MYO1H: variants seen among roughly 807,000 people sequenced by gnomAD.
The protein encoded by MYO1H is myosin IH, also known as unconventional myosin-Ih.
In MYO1H, 118 loss-of-function variants were observed where a neutral mutation model predicts 149.3. The ratio of observed to expected loss-of-function variants is 0.79; its 90% CI spans 0.68 to 0.92. The LOEUF is 0.92. Among genes scored for constraint, MYO1H ranks in the 40% least tolerant of loss-of-function variants. MYO1H has a pLI of 0.00. For synonymous variants in MYO1H, 447 were observed against 465.2 expected, an observed-to-expected ratio of 0.96 and a Z score of 0.50; for missense variants, 1,212 against 1,280.7, an observed-to-expected ratio of 0.95 and a Z score of 0.82.
the MYO1H span, among the ~76,000 whole-genome samples, chr12:109,335,365 C>A: frequency 8.5e-4 from 129 of 152,114 alleles, no homozygotes; most frequent in African/African-American, 3.1e-3. Context: ...TGAGAACTAT[C>A]GTGATGACAG....
At chr12:109,437,213 C>A (rs1871897071) in intron 22 of MYO1H, among the ~76,000 whole-genome samples, 1 of 152,176 alleles carries the variant, frequency 6.6e-6, no homozygotes, top group African/African-American at 2.4e-5. Context: ...AACACTCCCA[C>A]CCACACGCAT....
chr12:109,445,955 G>T, intron 31 of MYO1H: 1 of 985,398 alleles, frequency 1.0e-6, no homozygotes, highest in Non-Finnish European at 1.2e-6. Context: ...CCCCCACGTG[G>T]AAATCAATGC....
At chr12:109,372,322 C>T (rs1332822689) in intron 1 of MYO1H, among the ~76,000 whole-genome samples, 2 of 151,978 alleles carry the variant, frequency 1.3e-5, no homozygotes, top group Non-Finnish European at 2.9e-5. Context: ...ACATAGATGT[C>T]CAGCCTTCCT....
the MYO1H span, among the ~76,000 whole-genome samples, chr12:109,335,578 C>CAAA: frequency 8.7e-5 from 13 of 148,658 alleles, no homozygotes; most frequent in Admixed American, 4.0e-4. Flanking sequence ...AACAAACAAA[C>CAAA]AAAAAAAAAA....
intron 16 of MYO1H, among the ~76,000 whole-genome samples, chr12:109,422,468 C>T (rs1462011350): frequency 6.6e-6 from 1 of 152,222 alleles, no homozygotes; most frequent in Non-Finnish European, 1.5e-5. Context: ...CTGCTGTCCG[C>T]CTCATGGAGT....
In MYO1H at chr12:109,415,952, A is replaced by AT. The variant is rs922957242; in HGVS notation, c.1597+335dup. On this transcript the variant is annotated intron_variant, in intron 15 of 31. Coordinates refer to ENST00000310903, the Ensembl canonical transcript of MYO1H. ...ATTTTATTTTATTTTATTTTATTTT[A>AT]TTTATTTTGAGAGAGAGTCTCGCTG... Among the ~76,000 whole-genome samples the AT allele has an allele frequency of 6.3e-5, 9 of 143,368 alleles. 1 individual carries two copies. Among genetic ancestry groups the AT allele is most frequent in the Middle Eastern group, 6.5e-3 (2 of 308 alleles). 94.1% of individuals were successfully genotyped at this position (143,368 alleles called of 152,430 possible).
At position 109,396,462 on chromosome 12, in the gene MYO1H, TG is replaced by T; in HGVS notation, c.373del (p.Ala125GlnfsTer16). 6.2e-7 allele frequency: 1 copy of T among 1,613,744 alleles called. No individual in the cohort carries two copies. Among genetic ancestry groups the T allele is most frequent in the Non-Finnish European group, 8.5e-7 (1 of 1,179,824 alleles). The stretch of plus-strand genomic sequence containing the variant: ...ATTTCATCCTCATTTCTGGAGAGAG[TG>T]GGGCAGGGAAAACAGAGGCCTCCAA... On this transcript the variant is annotated frameshift_variant, in exon 4 of 32. Transcript: ENST00000310903. LOFTEE classifies it high-confidence loss of function.
At chr12:109,326,281 C>G in the MYO1H span, among the ~76,000 whole-genome samples, 1 of 152,164 alleles carries the variant, frequency 6.6e-6, no homozygotes, top group Non-Finnish European at 1.5e-5. Context: ...GCTGCATCCT[C>G]TCTCCCTACT....
chr12:109,366,382 A>G (rs1165344036), intron 1 of MYO1H, among the ~76,000 whole-genome samples: 3 of 152,168 alleles, frequency 2.0e-5, no homozygotes, highest in East Asian at 1.9e-4. Context: ...TTGTTAGCCA[A>G]TGCTATAGTT....
chr12:109,319,671 C>T, the MYO1H span, among the ~76,000 whole-genome samples: 2 of 152,030 alleles, frequency 1.3e-5, no homozygotes, highest in South Asian at 4.2e-4. Context: ...AGGTCTATGG[C>T]AAAGTTCTCA....
the MYO1H span, among the ~76,000 whole-genome samples, chr12:109,323,185 C>T: frequency 6.6e-6 from 1 of 152,134 alleles, no homozygotes; most frequent in Non-Finnish European, 1.5e-5. Context: ...GGACTTAACA[C>T]GTGCAAAGCA....
At chr12:109,357,540 A>C (rs1439651907) in intron 1 of MYO1H, among the ~76,000 whole-genome samples, 3 of 152,264 alleles carry the variant, frequency 2.0e-5, no homozygotes, top group Non-Finnish European at 4.4e-5. Flanking sequence ...GCATAAAAGC[A>C]GCCATAGGCA....
chr12:109,331,073 C>T, the MYO1H span, among the ~76,000 whole-genome samples: 3 of 152,190 alleles, frequency 2.0e-5, no homozygotes, highest in Non-Finnish European at 4.4e-5. Context: ...TAAAGACACT[C>T]ATTTTTGCTC....
chr12:109,417,217 A>C (rs1870951240), intron 15 of MYO1H, among the ~76,000 whole-genome samples: 1 of 152,194 alleles, frequency 6.6e-6, no homozygotes, highest in Non-Finnish European at 1.5e-5. Context: ...CTTTTGAGGA[A>C]TTGCCAGGTC....
intron 1 of MYO1H, among the ~76,000 whole-genome samples, chr12:109,380,969 C>T (rs1003822863): frequency 6.6e-6 from 1 of 152,088 alleles, no homozygotes; most frequent in African/African-American, 2.4e-5. Context: ...TAAGTTCAAA[C>T]CTCTTCATTC....
In MYO1H at chr12:109,396,814, GTTTT is replaced by G. The variant is rs60551691; in HGVS notation, c.489+259_489+262del. Among the ~76,000 whole-genome samples the G allele has an allele frequency of 4.7e-4, 24 of 51,068 alleles. 3 individuals are homozygous for G. The highest frequency in any genetic ancestry group is 3.0e-3 in the East Asian group (4 of 1,328). 33.5% of individuals were successfully genotyped at this position (51,068 alleles called of 152,430 possible). ...GACATTTGGTTTTTGTTTTGGTTTC[GTTTT>G]TTTTTTTTTTTTTTTTTTTTTTTTT... On this transcript the variant is annotated intron_variant, in intron 4 of 31. Transcript: ENST00000310903.
In MYO1H at chr12:109,443,105, T is replaced by TATGTGTGTATATATGTGTAC. The variant is rs1872262650; in HGVS notation, c.2689-407_2689-406insGTGTGTATATATGTGTACAT. On this transcript the variant is annotated intron_variant, in intron 27 of 31. Coordinates refer to ENST00000310903, the Ensembl canonical transcript of MYO1H. ...ACGTATGTGTGTATATATGTGTACG[T>TATGTGTGTATATATGTGTAC]ATATGTGTGTATATGTGTACGTATA... Among the ~76,000 whole-genome samples, 7 of 53,336 alleles carry TATGTGTGTATATATGTGTAC rather than the reference T, an allele frequency of 1.3e-4. 3 individuals are homozygous for TATGTGTGTATATATGTGTAC. The highest frequency in any genetic ancestry group is 2.0e-4 in the Non-Finnish European group (5 of 24,552). The allele number at this position is 53,336 out of a possible 152,430, so 35.0% of individuals were successfully genotyped here.
chr12:109,422,114 A>T (rs866480580), intron 16 of MYO1H, among the ~76,000 whole-genome samples: 1 of 152,222 alleles, frequency 6.6e-6, no homozygotes, highest in Non-Finnish European at 1.5e-5. Context: ...CCACTGCGCC[A>T]TGCCTAAAAC....
At chr12:109,425,464 C>T (rs1331647927) in intron 17 of MYO1H, among the ~76,000 whole-genome samples, 2 of 152,334 alleles carry the variant, frequency 1.3e-5, no homozygotes, top group East Asian at 3.9e-4. Flanking sequence ...GTATATGTGG[C>T]AGGCACTGTG....
Sources: allele counts gnomAD v4.1 joint callset (sites outside exome capture counted in the v4.1 genomes callset), GRCh38; gene constraint gnomAD v4.1.1; transcripts MANE v1.5; gene names NCBI Gene and HGNC (gene_info 2026-07-23, HGNC 2026-07-21).